Variants in RBMS3 observed in about 807,000 individuals in gnomAD.
The protein encoded by RBMS3 is RNA binding motif single stranded interacting protein 3, also known as RNA-binding motif, single-stranded-interacting protein 3.
In RBMS3, 27 loss-of-function variants were observed where a neutral mutation model predicts 66.8. The ratio of observed to expected loss-of-function variants is 0.40; its 90% confidence interval spans 0.30 to 0.56. RBMS3 has a LOEUF of 0.56. Among genes scored for constraint, RBMS3 ranks in the 20% least tolerant of loss-of-function variants. The pLI, the probability that RBMS3 is intolerant of heterozygous loss-of-function variation, is 0.40. For missense variants in RBMS3, 513 were observed against 549.5 expected, an observed-to-expected ratio of 0.93 and a Z score of 0.66; for synonymous variants, 188 against 183.0, an observed-to-expected ratio of 1.03 and a Z score of -0.22.
intron 6 of RBMS3, among the ~76,000 whole-genome samples, chr3:29,768,552 A>G (rs917025982): frequency 7.2e-5 from 11 of 151,972 alleles, no homozygotes; most frequent in African/African-American, 2.7e-4. Flanking sequence ...ATGAGATGCA[A>G]CCTAGAAGCA....
chr3:29,511,250 C>A (rs536530706), intron 3 of RBMS3, among the ~76,000 whole-genome samples: 1 of 152,174 alleles, frequency 6.6e-6, no homozygotes, highest in Non-Finnish European at 1.5e-5. Flanking sequence ...GAGCTGAGAT[C>A]GCACCACTGC....
chr3:29,583,943 GCAAA>G (rs936031075), intron 3 of RBMS3, among the ~76,000 whole-genome samples: 2 of 151,948 alleles, frequency 1.3e-5, no homozygotes, highest in African/African-American at 4.8e-5. Flanking sequence ...CTATCTTAAA[GCAAA>G]CAAACAGAAA....
chr3:29,870,617 CTT>C (rs2149553279), intron 7 of RBMS3, among the ~76,000 whole-genome samples: 1 of 152,236 alleles, frequency 6.6e-6, no homozygotes, highest in Admixed American at 6.5e-5. Flanking sequence ...GAATCTAAGA[CTT>C]TGCTTCAAAG....
In RBMS3 at chr3:29,880,635, C is replaced by G. The variant is rs2059714184; in HGVS notation, c.745-3527C>G. 4.3e-6 allele frequency: 3 copies of G among 695,040 alleles called. No homozygotes were observed. In the African/African-American group the frequency reaches 5.3e-5, roughly 12 times the overall value. The allele number at this position is 695,040 out of a possible 1,614,324, so 43.1% of individuals were successfully genotyped here. A position where few individuals can be genotyped will look rare whatever the true frequency, so the allele number is the denominator to read the frequency against. On this transcript the variant is annotated intron_variant, in intron 7 of 14. Transcript: ENST00000383767. The stretch of plus-strand genomic sequence containing the variant: ...CACATGAAGTGGAAACCAGGTGTAT[C>G]CAAGTGTTAGTTATTGTGCTATTAT...
chr3:29,840,906 T>G (rs2058647233), intron 6 of RBMS3, among the ~76,000 whole-genome samples: 2 of 151,976 alleles, frequency 1.3e-5, no homozygotes. Flanking sequence ...AAGTTATGCA[T>G]ATTTTAAAGT....
At chr3:29,558,339 A>G (rs2149043738) in intron 3 of RBMS3, among the ~76,000 whole-genome samples, 1 of 152,198 alleles carries the variant, frequency 6.6e-6, no homozygotes. Context: ...GTTGAAGAGG[A>G]AAGGGGTGGG....
intron 3 of RBMS3, among the ~76,000 whole-genome samples, chr3:29,508,352 T>C (rs2044266738): frequency 6.6e-6 from 1 of 152,114 alleles, no homozygotes; most frequent in South Asian, 2.1e-4. Context: ...ACCTCCCCTA[T>C]CCCTCCACTT....
chr3:29,415,414 T>G (rs982973735), intron 1 of RBMS3, among the ~76,000 whole-genome samples: 2 of 152,216 alleles, frequency 1.3e-5, no homozygotes, highest in African/African-American at 2.4e-5. Context: ...TTTATTTTTG[T>G]GTGCTAATGG....
chr3:29,748,394 G>A (rs139073568), intron 5 of RBMS3, among the ~76,000 whole-genome samples: 17 of 152,282 alleles, frequency 1.1e-4, no homozygotes, highest in Middle Eastern at 3.4e-3. Context: ...CTTGAAGATG[G>A]CCACTCAGGA....
At position 29,816,321 on chromosome 3, in the gene RBMS3, C is replaced by G. The variant is rs879577377; in HGVS notation, c.638-52537C>G. On this transcript the variant is annotated intron_variant, in intron 6 of 14. Transcript: ENST00000383767. ...ACACAGACACACACAGACACACACA[C>G]ACACACACACACACACACACACACA... Among the ~76,000 whole-genome samples, 399 of 144,826 alleles carry G rather than the reference C, an allele frequency of 2.8e-3. 1 individual carries two copies. The highest frequency in any genetic ancestry group is 3.9e-3 in the Non-Finnish European group (254 of 65,412).
intron 4 of RBMS3, among the ~76,000 whole-genome samples, chr3:29,628,523 T>C (rs551971468): frequency 3.1e-4 from 47 of 152,198 alleles, no homozygotes; most frequent in Middle Eastern, 3.4e-3. Context: ...TACACCAACG[T>C]CTCACCTGAA....
chr3:29,373,419 T>G (rs1559527457), intron 1 of RBMS3, among the ~76,000 whole-genome samples: 1 of 152,192 alleles, frequency 6.6e-6, no homozygotes, highest in Non-Finnish European at 1.5e-5. Context: ...AAGGAATAAT[T>G]GTGATTCAGC....
chr3:29,705,876 A>T (rs1559590423), intron 4 of RBMS3, among the ~76,000 whole-genome samples: 2 of 152,222 alleles, frequency 1.3e-5, no homozygotes. Context: ...TTCACGTAAC[A>T]AACTGTGGTA....
intron 10 of RBMS3, among the ~76,000 whole-genome samples, chr3:29,909,667 C>T (rs969771649): frequency 1.3e-5 from 2 of 152,062 alleles, no homozygotes; most frequent in African/African-American, 4.8e-5. Context: ...CAACACATCT[C>T]CAGAGTACAT....
chr3:29,879,315 G>C (rs1465068654), intron 7 of RBMS3, among the ~76,000 whole-genome samples: 1 of 152,050 alleles, frequency 6.6e-6, no homozygotes, highest in Non-Finnish European at 1.5e-5. Flanking sequence ...GTACCTAGAT[G>C]TTTATGTCAT....
At chr3:29,731,590 C>G (rs1049295408) in intron 4 of RBMS3, among the ~76,000 whole-genome samples, 6 of 152,234 alleles carry the variant, frequency 3.9e-5, no homozygotes, top group East Asian at 3.9e-4. Context: ...TAATGCCTTA[C>G]CTTGGATGTT....
chr3:29,384,318 G>GAAAA (rs1259852052), intron 1 of RBMS3, among the ~76,000 whole-genome samples: 1 of 151,476 alleles, frequency 6.6e-6, no homozygotes, highest in East Asian at 1.9e-4. Flanking sequence ...TCTGTCTCAG[G>GAAAA]AAAAAACAAA....
At chr3:29,747,625 T>G (rs1281458285) in intron 5 of RBMS3, among the ~76,000 whole-genome samples, 6 of 152,212 alleles carry the variant, frequency 3.9e-5, no homozygotes, top group African/African-American at 1.4e-4. Context: ...AAATCTGGGT[T>G]CTTTTCTCAT....
At chr3:29,593,669 ATTTT>A (rs1398034279) in intron 4 of RBMS3, among the ~76,000 whole-genome samples, 1 of 151,796 alleles carries the variant, frequency 6.6e-6, no homozygotes, top group African/African-American at 2.4e-5. Context: ...TTTGTATCCC[ATTTT>A]TCCCCCATGG....
Sources: allele counts gnomAD v4.1 joint callset (sites outside exome capture counted in the v4.1 genomes callset), GRCh38; gene constraint gnomAD v4.1.1; transcripts MANE v1.5; gene names NCBI Gene and HGNC (gene_info 2026-07-23, HGNC 2026-07-21).